The following COMMD2 variants were observed in gnomAD, a reference collection of about 807,000 sequenced individuals.
COMMD2 encodes COMM domain-containing protein 2.
COMMD2 carries 25 observed loss-of-function variants against 22.5 expected under a neutral mutation model. The observed-to-expected ratio is 1.11, with a 90% confidence interval of 0.81 to 1.55. COMMD2 has a LOEUF of 1.55. COMMD2 is among the 40% of genes most tolerant of loss of function. The pLI is 0.00. For synonymous variants in COMMD2, 98 were observed against 91.2 expected (o/e 1.07, Z -0.42); for missense variants, 223 against 232.9 (o/e 0.96, Z 0.28).
rs1451122725 is a variant in COMMD2 at position 149,741,063 on chromosome 3, T to TATC, written c.*457_*458insGAT. 1 of 151,874 alleles carries TATC rather than the reference T, an allele frequency of 6.6e-6. No individual in the cohort carries two copies. Among genetic ancestry groups the TATC allele is most frequent in the Non-Finnish European group, 1.5e-5 (1 of 68,058 alleles). 9.4% of individuals were successfully genotyped at this position (151,874 alleles called of 1,614,324 possible). On this transcript the variant is annotated 3_prime_UTR_variant, in exon 5 of 5. Transcript: ENST00000473414. Reference sequence around the variant, plus strand: ...TTTTTTATTTTTATTTTTACTTTATTATTATTATTATTATTTTTGAGATGG... The same window carrying TATC: ...TTTTTTATTTTTATTTTTACTTTATTATCATTATTATTATTATTTTTGAGATGG...
rs1716528291 is a variant in COMMD2, at chr3:149,751,449, C to A, written c.182G>T (p.Gly61Val). ...LNVSSDTVQH[G>V]VEGLTYLLTE... is the part of the protein sequence containing the mutation. ...GAGGAGATACGTTAATCCTTCCACA[C>A]CATGCTGGACAGTGTCACTACTCAC... Residue 61 changes from glycine (G) to valine (V), a missense_variant, in exon 3 of 5, where the codon GGT becomes GTT. Gly to Val is a moderately radical substitution (Grantham distance 109, BLOSUM62 -3). Transcript: ENST00000473414. 1 of 1,611,008 alleles carries A rather than the reference C, an allele frequency of 6.2e-7. No homozygotes were observed. Among genetic ancestry groups the A allele is most frequent in the Admixed American group, 1.7e-5 (1 of 59,136 alleles).
At chr3:149,747,022 G>A (rs1043008938) in intron 4 of COMMD2, among the ~76,000 whole-genome samples, 11 of 152,250 alleles carry the variant, frequency 7.2e-5, no homozygotes, top group African/African-American at 2.6e-4. Flanking sequence ...ATCTCCACCT[G>A]GTCCCACCCT....
intron 4 of COMMD2, 116 bp downstream of exon 4, chr3:149,750,562 A>C (rs1462544438): frequency 7.0e-6 from 5 of 710,478 alleles, no homozygotes; most frequent in Non-Finnish European, 9.2e-6. Flanking sequence ...ATGAACATTA[A>C]AAAAACAAAG....
chr3:149,743,315 A>C (rs910782152), intron 4 of COMMD2, among the ~76,000 whole-genome samples: 1 of 152,208 alleles, frequency 6.6e-6, no homozygotes, highest in Non-Finnish European at 1.5e-5. Flanking sequence ...GACTATCCAA[A>C]GCAATAGCTG....
At chr3:149,745,204 T>C (rs1010196030) in intron 4 of COMMD2, among the ~76,000 whole-genome samples, 1 of 152,232 alleles carries the variant, frequency 6.6e-6, no homozygotes, top group African/African-American at 2.4e-5. Context: ...CAATGAACCC[T>C]ACAAGACTTG....
chr3:149,744,803 C>A (rs941829137), intron 4 of COMMD2, among the ~76,000 whole-genome samples: 5 of 152,180 alleles, frequency 3.3e-5, no homozygotes, highest in African/African-American at 1.2e-4. Context: ...AGTAGCTTTT[C>A]TAGCCCTTAA....
chr3:149,743,599 A>G (rs1317232084), intron 4 of COMMD2, among the ~76,000 whole-genome samples: 1 of 152,216 alleles, frequency 6.6e-6, no homozygotes, highest in African/African-American at 2.4e-5. Flanking sequence ...GCTGAAATTT[A>G]ATGTCCCCAA....
rs759566209 is a variant in COMMD2 at position 149,752,199 on chromosome 3, TC to T, written c.145+10del. 5.6e-6 allele frequency: 9 copies of T among 1,612,806 alleles called. No individual in the cohort carries two copies. The highest frequency in any genetic ancestry group is 6.8e-6 in the Non-Finnish European group (8 of 1,179,128). On this transcript the variant is annotated intron_variant, in intron 2 of 4. Transcript: ENST00000473414. The stretch of plus-strand genomic sequence containing the variant: ...TAGAAGCCTGCGGAGCCTTCCCCTT[TC>T]CCTTCTTACTGGCGGCGCCTTCGTA...
chr3:149,743,838 C>T (rs897092477), intron 4 of COMMD2, among the ~76,000 whole-genome samples: 2 of 152,188 alleles, frequency 1.3e-5, no homozygotes, highest in Admixed American at 6.5e-5. Flanking sequence ...ACTGCACCGA[C>T]AGACAGGGAC....
intron 4 of COMMD2, among the ~76,000 whole-genome samples, chr3:149,748,063 TA>T (rs1213654243): frequency 6.8e-6 from 1 of 148,050 alleles, no homozygotes; most frequent in African/African-American, 2.5e-5. Context: ...CAGAAGGGAA[TA>T]ATCGATTCAG....
At chr3:149,752,016 A>G (rs1716545918) in intron 2 of COMMD2, 194 bp downstream of exon 2, 1 of 529,486 alleles carries the variant, frequency 1.9e-6, no homozygotes. Context: ...GATTTAATAG[A>G]AGCTTTAACA....
chr3:149,745,105 C>T (rs941699153), intron 4 of COMMD2, among the ~76,000 whole-genome samples: 3 of 152,086 alleles, frequency 2.0e-5, no homozygotes, highest in African/African-American at 4.8e-5. Context: ...GATAAATTAC[C>T]TCTGAGCCAC....
chr3:149,745,406 T>C (rs1310249099), intron 4 of COMMD2, among the ~76,000 whole-genome samples: 1 of 152,208 alleles, frequency 6.6e-6, no homozygotes, highest in Non-Finnish European at 1.5e-5. Flanking sequence ...GCTGGGCACA[T>C]GGTAATGAAC....
chr3:149,745,326 A>T (rs1423293299), intron 4 of COMMD2, among the ~76,000 whole-genome samples: 5 of 152,164 alleles, frequency 3.3e-5, no homozygotes, highest in African/African-American at 1.2e-4. Flanking sequence ...TTAAGAAGTC[A>T]CTTAACTCCC....
At chr3:149,749,663 A>G (rs1266770458) in intron 4 of COMMD2, among the ~76,000 whole-genome samples, 1 of 152,194 alleles carries the variant, frequency 6.6e-6, no homozygotes, top group Non-Finnish European at 1.5e-5. Flanking sequence ...CTTTTACAAC[A>G]TATTCTGCCT....
intron 4 of COMMD2, among the ~76,000 whole-genome samples, chr3:149,744,077 C>A (rs1299581246): frequency 1.3e-5 from 2 of 152,044 alleles, no homozygotes; most frequent in Non-Finnish European, 2.9e-5. Flanking sequence ...AGAACAGTAG[C>A]CCACAAAGTT....
At chr3:149,748,092 T>C (rs141473004) in intron 4 of COMMD2, among the ~76,000 whole-genome samples, 5 of 151,742 alleles carry the variant, frequency 3.3e-5, no homozygotes, top group African/African-American at 1.2e-4. Context: ...AAACAAAGTA[T>C]GATGCAGGTA....
intron 4 of COMMD2, among the ~76,000 whole-genome samples, chr3:149,742,528 TAA>T (rs1464199441): frequency 1.3e-5 from 2 of 152,042 alleles, no homozygotes; most frequent in Non-Finnish European, 2.9e-5. Flanking sequence ...AATTGCTTAC[TAA>T]ATGGCAGAGA....
In COMMD2 at chr3:149,751,472, C is replaced by T. The variant is rs372133542; in HGVS notation, c.159G>A (p.Val53=). The T allele has an allele frequency of 1.4e-5, 22 of 1,597,030 alleles. No homozygotes were observed. The highest frequency in any genetic ancestry group is 1.8e-5 in the Admixed American group (1 of 56,484). ...IYEGAARKLN[V]SSDTVQHGVE... ...CACCATGCTGGACAGTGTCACTACT[C>T]ACATTGAGTTTTCCTGAGAAAGAAA... Residue 53 remains valine, a synonymous_variant, in exon 3 of 5, where the codon GTG becomes GTA. Coordinates refer to ENST00000473414, the MANE Select transcript of COMMD2 (RefSeq NM_016094.4).
Sources: gnomAD v4.1 joint callset for allele counts (sites outside exome capture counted in the v4.1 genomes callset) on GRCh38, gnomAD v4.1.1 for gene constraint, MANE v1.5 for transcripts, NCBI Gene and HGNC (gene_info 2026-07-23, HGNC 2026-07-21) for gene names.